The following LRCH2 variants were observed in gnomAD, a reference collection of about 807,000 sequenced individuals.
LRCH2 encodes the protein leucine-rich repeat and calponin homology domain-containing protein 2.
In LRCH2, 38 loss-of-function variants were observed where a neutral mutation model predicts 68.9. The observed-to-expected ratio is 0.55, with a 90% CI of 0.43 to 0.72. The LOEUF (loss-of-function observed/expected upper bound fraction) is 0.72, where lower values mean the gene tolerates loss of function less well. Ranked by LOEUF, LRCH2 falls within the 30% of genes least tolerant of loss-of-function variation. The pLI, the probability that LRCH2 is intolerant of heterozygous loss-of-function variation, is 0.00. For missense variants in LRCH2, 528 were observed against 572.9 expected (o/e 0.92, Z 0.80); for synonymous variants, 191 against 208.1 (o/e 0.92, Z 0.71).
chrX:115,123,287 C>T (rs1556526648), intron 17 of LRCH2, 95 bp from the exon 18 acceptor site: 4 of 578,397 alleles, frequency 6.9e-6, no homozygotes, highest in African/African-American at 4.6e-5. Flanking sequence ...TACAAAATTA[C>T]ATAAAATATT....
chrX:115,134,458 C>A (rs979793338), intron 14 of LRCH2, among the ~76,000 whole-genome samples: 4 of 112,262 alleles, frequency 3.6e-5, no homozygotes, highest in Non-Finnish European at 1.9e-5. Flanking sequence ...CTTCAAAGAA[C>A]AGGCTGACTC....
intron 14 of LRCH2, among the ~76,000 whole-genome samples, chrX:115,140,178 G>C (rs1267151753): frequency 1.3e-4 from 15 of 111,434 alleles, no homozygotes; most frequent in African/African-American, 4.6e-4. Flanking sequence ...AGCCACAGTA[G>C]GATGGGGCAC....
At chrX:115,191,752 C>T (rs1244397084) in intron 1 of LRCH2, 1 of 1,042,467 alleles carries the variant, frequency 9.6e-7, no homozygotes, top group Non-Finnish European at 1.2e-6. Context: ...CAGCCGGAGC[C>T]ACCGCTACGG....
intron 16 of LRCH2, among the ~76,000 whole-genome samples, chrX:115,125,262 CCAGGTGTGGTGGCATGTGCCTGTAGT>C (rs2072176115): frequency 9.5e-6 from 1 of 105,703 alleles, no homozygotes; most frequent in Non-Finnish European, 1.9e-5. Context: ...CAAAAATTAG[CCAGGTGTGGTGGCATGTGCCTGTAGT>C]CCTACCTACT....
chrX:115,168,140 A>G (rs908526099), intron 6 of LRCH2, among the ~76,000 whole-genome samples: 3 of 112,217 alleles, frequency 2.7e-5, no homozygotes, highest in Non-Finnish European at 5.6e-5. Flanking sequence ...TGACTCCAAA[A>G]GCTATTATAT....
In LRCH2 at chrX:115,233,926, CCT is replaced by C; in HGVS notation, c.114_115del (p.Gly39ArgfsTer90). Reference sequence around the variant, plus strand: ...CACCAGGGTCCCGCCGCCGCCGCCGCCTCCCCCTCCAGCCCCGCCACCTCCCC... The same window carrying C: ...CACCAGGGTCCCGCCGCCGCCGCCGCCCCCCTCCAGCCCCGCCACCTCCCC... On this transcript the variant is annotated frameshift_variant, in exon 1 of 21. Transcript: ENST00000317135. LOFTEE classifies it high-confidence loss of function. 1 of 1,162,400 alleles carries C rather than the reference CCT, an allele frequency of 8.6e-7. No individual in the cohort carries two copies.
chrX:115,189,747 C>A (rs1556556369), intron 1 of LRCH2: 2 of 1,166,773 alleles, frequency 1.7e-6, no homozygotes, highest in East Asian at 6.5e-5. Context: ...CCGGCAGCGG[C>A]AGTCGCTCAA....
intron 11 of LRCH2, among the ~76,000 whole-genome samples, chrX:115,158,985 A>G (rs1292151163): frequency 8.9e-6 from 1 of 111,783 alleles, no homozygotes; most frequent in African/African-American, 3.2e-5. Flanking sequence ...AATAATACAT[A>G]TCAACTTTTT....
chrX:115,192,380 G>T, intron 1 of LRCH2: 1 of 1,159,850 alleles, frequency 8.6e-7, no homozygotes, highest in Non-Finnish European at 1.2e-6. Context: ...TACGGAGGAG[G>T]AGGCCACTAC....
At chrX:115,233,555 G>C (rs782170887) in intron 1 of LRCH2, 138 bp downstream of exon 1, 2 of 583,866 alleles carry the variant, frequency 3.4e-6, no homozygotes, top group Non-Finnish European at 5.2e-6. Context: ...TCAGGAGAAC[G>C]GGCTGCCCCG....
At position 115,190,546 on chromosome X, in the gene LRCH2, G is replaced by T. The variant is rs1297229228; in HGVS notation, c.350-2176C>A. 3.0e-5 allele frequency: 35 copies of T among 1,157,860 alleles called. No homozygotes were observed. The East Asian group carries it at 1.1e-3, about 37-fold the overall frequency. ...CCACTCGCCCAAAGCCTATAGTGGG[G>T]GCCGCAGCAGTTCCAGTAACGGTTA... On this transcript the variant is annotated intron_variant, in intron 1 of 20. Coordinates refer to ENST00000317135, the MANE Select transcript of LRCH2 (RefSeq NM_020871.4).
At chrX:115,119,905 A>T (rs1240140425) in intron 20 of LRCH2, among the ~76,000 whole-genome samples, 1 of 111,025 alleles carries the variant, frequency 9.0e-6, no homozygotes, top group Non-Finnish European at 1.9e-5. Flanking sequence ...ACCTGAGAAA[A>T]ACAAGAAATG....
chrX:115,165,769 T>C (rs1001526556), intron 8 of LRCH2, 72 bp downstream of exon 8: 16 of 961,521 alleles, frequency 1.7e-5, no homozygotes, highest in Non-Finnish European at 2.1e-5. Context: ...AAAGACAATA[T>C]AATTTTTCAA....
At chrX:115,209,979 G>A (rs2072994954) in intron 1 of LRCH2, among the ~76,000 whole-genome samples, 1 of 111,304 alleles carries the variant, frequency 9.0e-6, no homozygotes, top group South Asian at 3.8e-4. Context: ...TTTCTAGGCA[G>A]CAAAGCATTC....
At chrX:115,179,319 G>T in intron 5 of LRCH2, 108 bp downstream of exon 5, 1 of 681,444 alleles carries the variant, frequency 1.5e-6, no homozygotes, top group Non-Finnish European at 2.0e-6. Flanking sequence ...AACAGTGCTT[G>T]AACAACAAAT....
intron 6 of LRCH2, among the ~76,000 whole-genome samples, chrX:115,166,836 C>T (rs1359319538): frequency 9.0e-6 from 1 of 110,589 alleles, no homozygotes; most frequent in Non-Finnish European, 1.9e-5. Flanking sequence ...TTCAAATTCA[C>T]TTTGTCCTTG....
chrX:115,113,433 C>A, intron 20 of LRCH2, 98 bp from the exon 21 acceptor site: 1 of 669,850 alleles, frequency 1.5e-6, no homozygotes. Flanking sequence ...TATAAAATGT[C>A]AAGAAAACTA....
At chrX:115,190,712 A>G (rs1556557985) in intron 1 of LRCH2, 1 of 1,158,109 alleles carries the variant, frequency 8.6e-7, no homozygotes, top group Non-Finnish European at 1.2e-6. Flanking sequence ...GGCCGCTATG[A>G]GGAGTACCGA....
intron 12 of LRCH2, among the ~76,000 whole-genome samples, chrX:115,152,884 A>C (rs1359009592): frequency 9.0e-6 from 1 of 111,477 alleles, no homozygotes; most frequent in East Asian, 2.8e-4. Context: ...CATTAGGCAA[A>C]GTAAAACAAA....
Sources: gnomAD v4.1 joint callset for allele counts (sites outside exome capture counted in the v4.1 genomes callset) on GRCh38, gnomAD v4.1.1 for gene constraint, MANE v1.5 for transcripts, NCBI Gene and HGNC (gene_info 2026-07-23, HGNC 2026-07-21) for gene names.